MBNL2: variants seen among roughly 807,000 people sequenced by gnomAD.
MBNL2 encodes muscleblind-like protein 2.
MBNL2 carries 17 observed loss-of-function variants against 41.9 expected under a neutral mutation model. The ratio of observed to expected loss-of-function variants is 0.41; its 90% CI spans 0.28 to 0.61. The LOEUF (loss-of-function observed/expected upper bound fraction) is 0.61. Ranked by LOEUF, MBNL2 falls within the 20% of genes least tolerant of loss-of-function variation. The pLI, the probability that MBNL2 is intolerant of heterozygous loss-of-function variation, is 0.35. For synonymous variants in MBNL2, 195 were observed against 182.9 expected (o/e 1.07, Z -0.53); for missense variants, 336 against 505.6 (o/e 0.66, Z 3.22).
intron 8 of MBNL2, among the ~76,000 whole-genome samples, chr13:97,383,037 A>C (rs1359075911): frequency 1.6e-4 from 24 of 152,176 alleles, no homozygotes. Flanking sequence ...CAGGAAAGAA[A>C]AGTCTCCTTC....
chr13:97,190,739 A>G, the MBNL2 span, among the ~76,000 whole-genome samples: 1 of 152,204 alleles, frequency 6.6e-6, no homozygotes, highest in Non-Finnish European at 1.5e-5. Flanking sequence ...CCTGTGAGGG[A>G]TGACTCCGGT....
At chr13:97,272,356 T>A (rs897448763) in intron 1 of MBNL2, among the ~76,000 whole-genome samples, 32 of 152,230 alleles carry the variant, frequency 2.1e-4, no homozygotes, top group Admixed American at 7.2e-4. Flanking sequence ...TATTAGACCT[T>A]TGTCAAATGG....
chr13:97,372,632 A>G (rs1362346720), intron 8 of MBNL2, among the ~76,000 whole-genome samples: 1 of 152,222 alleles, frequency 6.6e-6, no homozygotes, highest in African/African-American at 2.4e-5. Context: ...TATGATCATC[A>G]ATTTCAATGA....
upstream of MBNL2, among the ~76,000 whole-genome samples, chr13:97,218,446 A>AAAC (rs1566346394): frequency 2.0e-5 from 3 of 150,236 alleles, no homozygotes; most frequent in African/African-American, 7.5e-5. Context: ...AAAACAAAAA[A>AAAC]AAAAAACTGG....
intron 5 of MBNL2, among the ~76,000 whole-genome samples, chr13:97,350,822 C>G (rs2062380498): frequency 6.6e-6 from 1 of 152,154 alleles, no homozygotes; most frequent in African/African-American, 2.4e-5. Context: ...AGTCTTGAAC[C>G]CCTCAAAGTC....
intron 5 of MBNL2, among the ~76,000 whole-genome samples, chr13:97,352,061 T>TAATA (rs1555318419): frequency 3.2e-5 from 4 of 126,464 alleles, no homozygotes; most frequent in East Asian, 2.1e-4. Context: ...AATAAATAAA[T>TAATA]AATAAATAAA....
the MBNL2 span, among the ~76,000 whole-genome samples, chr13:97,144,187 AGGGAGC>A: frequency 2.0e-5 from 3 of 151,602 alleles, no homozygotes; most frequent in African/African-American, 7.3e-5. Flanking sequence ...GAGTGGGAAA[AGGGAGC>A]GGCTGCTCTG....
chr13:97,221,883 T>C (rs1042324397), upstream of MBNL2, among the ~76,000 whole-genome samples: 2 of 152,246 alleles, frequency 1.3e-5, no homozygotes, highest in Non-Finnish European at 2.9e-5. Context: ...TGTAAGGTAT[T>C]AACTGCCATG....
chr13:97,310,479 G>A (rs1194293084), intron 2 of MBNL2, among the ~76,000 whole-genome samples: 2 of 151,242 alleles, frequency 1.3e-5, no homozygotes, highest in Non-Finnish European at 2.9e-5. Flanking sequence ...GCCCAGGCTG[G>A]AGTGCAGTGG....
the MBNL2 span, among the ~76,000 whole-genome samples, chr13:97,169,887 A>G: frequency 6.6e-6 from 1 of 152,206 alleles, no homozygotes; most frequent in East Asian, 1.9e-4. Flanking sequence ...GGAACTCACA[A>G]TGCTGCACTT....
intron 1 of MBNL2, among the ~76,000 whole-genome samples, chr13:97,251,367 C>A (rs1413538015): frequency 6.6e-6 from 1 of 151,652 alleles, no homozygotes; most frequent in Non-Finnish European, 1.5e-5. Flanking sequence ...ATCTCATGTA[C>A]CCCATAAATA....
chr13:97,154,726 A>C, the MBNL2 span, among the ~76,000 whole-genome samples: 1 of 152,160 alleles, frequency 6.6e-6, no homozygotes, highest in Non-Finnish European at 1.5e-5. Flanking sequence ...TTTATCCCTC[A>C]TGTCTAGCAG....
At chr13:97,325,001 T>C (rs2059800183) in intron 2 of MBNL2, among the ~76,000 whole-genome samples, 1 of 152,164 alleles carries the variant, frequency 6.6e-6, no homozygotes, top group Non-Finnish European at 1.5e-5. Flanking sequence ...CAAATGTTAA[T>C]GTTTGGCAAC....
the MBNL2 span, among the ~76,000 whole-genome samples, chr13:97,175,958 C>T: frequency 2.0e-3 from 305 of 152,182 alleles, no homozygotes; most frequent in African/African-American, 7.0e-3. Flanking sequence ...GGATGGATGC[C>T]CCCCAGGATT....
chr13:97,239,722 G>A (rs13378221), intron 1 of MBNL2, among the ~76,000 whole-genome samples: 101 of 152,322 alleles, frequency 6.6e-4, no homozygotes, highest in African/African-American at 2.1e-3. Context: ...TCTCTGGAGC[G>A]TCCTAACTCT....
At chr13:97,382,052 C>T (rs565933877) in intron 8 of MBNL2, among the ~76,000 whole-genome samples, 33 of 152,294 alleles carry the variant, frequency 2.2e-4, no homozygotes, top group Non-Finnish European at 4.3e-4. Flanking sequence ...ACTTCCTACA[C>T]AACTTACTGT....
intron 2 of MBNL2, among the ~76,000 whole-genome samples, chr13:97,329,698 A>G (rs930193595): frequency 0.17 from 36 of 214 alleles, no homozygotes; most frequent in Non-Finnish European, 0.22. Flanking sequence ...CACAATACAC[A>G]CACATGCAGC....
chr13:97,204,022 G>A, the MBNL2 span, among the ~76,000 whole-genome samples: 7,678 of 152,222 alleles, frequency 0.05, 258 homozygotes, highest in South Asian at 0.14. Context: ...TACAAAACTT[G>A]TAATTGCAAG....
intron 8 of MBNL2, among the ~76,000 whole-genome samples, chr13:97,388,337 C>A (rs868527291): frequency 1.6e-3 from 177 of 109,258 alleles, no homozygotes; most frequent in African/African-American, 6.0e-3. Flanking sequence ...ATATATATAT[C>A]ATTGGTATGG....
Sources: gnomAD v4.1 joint callset for allele counts (sites outside exome capture counted in the v4.1 genomes callset) on GRCh38, gnomAD v4.1.1 for gene constraint, MANE v1.5 for transcripts, NCBI Gene and HGNC (gene_info 2026-07-23, HGNC 2026-07-21) for gene names.